ORC3: variants seen among roughly 807,000 people sequenced by gnomAD.
The protein encoded by ORC3 is origin recognition complex subunit 3.
Under a neutral mutation model 100.7 loss-of-function variants are expected in ORC3, and 78 were observed. That is an observed-to-expected ratio of 0.77 (90% CI 0.65 to 0.94). ORC3 has a LOEUF of 0.94. Among genes scored for constraint, ORC3 ranks in the 40% least tolerant of loss-of-function variants. The pLI is 0.00. For missense variants in ORC3, 789 were observed against 823.9 expected (o/e 0.96, Z 0.52); for synonymous variants, 295 against 289.3 (o/e 1.02, Z -0.20).
In ORC3 at chr6:87,658,018, G is replaced by C; in HGVS notation, c.1691G>C (p.Arg564Thr). The part of the protein sequence containing the change: ...NVVNFIDCLV[R>T]EYLLPPETQP... ...GTGAACTTCATTGACTGTCTAGTGA[G>C]GTAAGTCTAAATTTAGCTCTTAAGA... is the stretch of plus-strand genomic sequence containing the variant. Residue 564 changes from arginine (R) to threonine (T), a missense_variant and splice_region_variant, in exon 16 of 20, where the codon AGA becomes ACA. By Grantham distance (71) the Arg-to-Thr change is moderately conservative (BLOSUM62 -1). Transcript: ENST00000392844. 6.4e-7 allele frequency: 1 copy of C among 1,556,758 alleles called. No homozygotes were observed. The highest frequency in any genetic ancestry group is 2.2e-5 in the East Asian group (1 of 44,626).
rs535949817 is a variant in ORC3 at position 87,636,342 on chromosome 6, A to G, written c.1303-65A>G. On this transcript the variant is annotated intron_variant, in intron 12 of 19. Transcript: ENST00000392844. ...ATTTTTTTTGTGTTGACCAGAAATG[A>G]TTTTTGCCAAACTAGTAGTGTGTAT... 8 of 907,480 alleles carry G rather than the reference A, an allele frequency of 8.8e-6. 1 individual carries two copies. Among genetic ancestry groups the G allele is most frequent in the African/African-American group, 5.1e-5 (3 of 59,306 alleles). The allele number at this position is 907,480 out of a possible 1,614,324, so 56.2% of individuals were successfully genotyped here. A position where few individuals can be genotyped will look rare whatever the true frequency, so the allele number is the denominator to read the frequency against.
At chr6:87,675,462 G>T in the ORC3 span, 1 of 1,245,844 alleles carries the variant, frequency 8.0e-7, no homozygotes, top group Non-Finnish European at 1.2e-6. Flanking sequence ...CTGCCTAAGA[G>T]TGGTTGCCAC....
intron 16 of ORC3, among the ~76,000 whole-genome samples, chr6:87,658,706 G>A (rs543531690): frequency 6.6e-5 from 10 of 152,218 alleles, no homozygotes; most frequent in Admixed American, 1.3e-4. Context: ...AGAAAGTAGA[G>A]CAGACTAGCC....
intron 13 of ORC3, chr6:87,651,285 ATCT>A (rs372445973): frequency 5.5e-4 from 249 of 456,286 alleles, no homozygotes; most frequent in South Asian, 3.8e-3. Context: ...CTTGGGTTAG[ATCT>A]TCTGCCAGCA....
chr6:87,663,310 T>C (rs1347070526), intron 17 of ORC3, among the ~76,000 whole-genome samples, 166 bp downstream of exon 17: 2 of 152,236 alleles, frequency 1.3e-5, no homozygotes, highest in East Asian at 3.8e-4. Flanking sequence ...GAAAAAAATT[T>C]CTAACCCCAT....
At chr6:87,635,325 A>G (rs1196452133) in intron 12 of ORC3, among the ~76,000 whole-genome samples, 2 of 152,214 alleles carry the variant, frequency 1.3e-5, no homozygotes, top group Non-Finnish European at 2.9e-5. Flanking sequence ...TTAACCTTGC[A>G]CTACACCCAG....
chr6:87,602,619 T>C (rs986024768), intron 3 of ORC3, among the ~76,000 whole-genome samples: 2 of 152,138 alleles, frequency 1.3e-5, no homozygotes, highest in Non-Finnish European at 2.9e-5. Context: ...ACGTATTCCA[T>C]GTGATCCTTC....
chr6:87,676,229 C>T, the ORC3 span, among the ~76,000 whole-genome samples: 27 of 151,778 alleles, frequency 1.8e-4, no homozygotes, highest in Middle Eastern at 0.01. Context: ...CTCTGGGAGG[C>T]CGAGGCGGGC....
the ORC3 span, among the ~76,000 whole-genome samples, chr6:87,676,777 C>T: frequency 7.1e-6 from 1 of 140,040 alleles, no homozygotes; most frequent in African/African-American, 2.8e-5. Context: ...GAGACTCCAT[C>T]TTAAAAAAAA....
At chr6:87,666,460 CAG>C (rs1223483810) in intron 19 of ORC3, among the ~76,000 whole-genome samples, 2 of 93,682 alleles carry the variant, frequency 2.1e-5, no homozygotes, top group East Asian at 6.3e-4. Flanking sequence ...TTTTTTGAGA[CAG>C]AGTTTTGCTA....
chr6:87,608,507 G>GT (rs1295161014), intron 6 of ORC3, among the ~76,000 whole-genome samples: 9 of 152,092 alleles, frequency 5.9e-5, no homozygotes, highest in Non-Finnish European at 1.2e-4. Flanking sequence ...TGAAATCATC[G>GT]TAAGTGAAGT....
intron 14 of ORC3, 35 bp downstream of exon 14, chr6:87,653,284 A>T (rs1769420151): frequency 6.3e-7 from 1 of 1,588,776 alleles, no homozygotes; most frequent in East Asian, 2.2e-5. Context: ...TCTATTGGCC[A>T]TGACAGTCAT....
At chr6:87,672,206 C>G (rs1042660487), downstream of ORC3, among the ~76,000 whole-genome samples, 1 of 151,504 alleles carries the variant, frequency 6.6e-6, no homozygotes. Flanking sequence ...CCTAATAAAA[C>G]AAGTTGGTGA....
At chr6:87,590,924 C>T (rs187986226) in intron 1 of ORC3, among the ~76,000 whole-genome samples, 1 of 152,064 alleles carries the variant, frequency 6.6e-6, no homozygotes, top group South Asian at 2.1e-4. Context: ...TTATAGACCT[C>T]CTCATGTTGG....
downstream of ORC3, among the ~76,000 whole-genome samples, chr6:87,669,204 G>T (rs1228244207): frequency 6.6e-6 from 1 of 152,108 alleles, no homozygotes. Context: ...CTCAAAAAAT[G>T]TCAAAATGTT....
the ORC3 span, among the ~76,000 whole-genome samples, chr6:87,676,447 CAAAAAAAAAAAA>C: frequency 0.1 from 4,399 of 41,946 alleles, 128 homozygotes; most frequent in Middle Eastern, 0.17. Context: ...GCCTGGGCAA[CAAAAAAAAAAAA>C]AAAAAAAAAA....
At position 87,636,435 on chromosome 6, in the gene ORC3, A is replaced by G. The variant is rs1171869136; in HGVS notation, c.1331A>G (p.Glu444Gly). 3.7e-6 allele frequency: 6 copies of G among 1,611,566 alleles called. No homozygotes were observed. Among genetic ancestry groups the G allele is most frequent in the Admixed American group, 1.7e-5 (1 of 59,998 alleles). Residue 444 changes from glutamate to glycine, a missense_variant, in exon 13 of 20, where the codon GAA becomes GGA. Coordinates refer to ENST00000392844, the MANE Select transcript of ORC3 (RefSeq NM_012381.4). The stretch of plus-strand genomic sequence containing the variant: ...AGAGAGTTGTACTGTACATGTTTAG[A>G]AAAGAACATATGGGATTCAGAGGAG... ...QIRELYCTCL[E>G]KNIWDSEEYA...
At chr6:87,597,660 T>A (rs564897262) in intron 2 of ORC3, among the ~76,000 whole-genome samples, 104 of 148,910 alleles carry the variant, frequency 7.0e-4, no homozygotes, top group East Asian at 4.5e-3. Flanking sequence ...GGATTTTTTT[T>A]AAGTAATGAT....
At chr6:87,658,465 A>AG (rs931413365) in intron 16 of ORC3, among the ~76,000 whole-genome samples, 1 of 152,004 alleles carries the variant, frequency 6.6e-6, no homozygotes, top group African/African-American at 2.4e-5. Context: ...TCAAAAAAAA[A>AG]AAAAAGAATT....
Sources: gnomAD v4.1 joint callset for allele counts (sites outside exome capture counted in the v4.1 genomes callset) on GRCh38, gnomAD v4.1.1 for gene constraint, MANE v1.5 for transcripts, NCBI Gene and HGNC (gene_info 2026-07-23, HGNC 2026-07-21) for gene names.